The following DISP3 variants were observed in gnomAD, a reference collection of about 807,000 sequenced individuals.
The protein encoded by DISP3 is protein dispatched homolog 3.
In DISP3, 101 loss-of-function variants were observed where a neutral mutation model predicts 135.3. The ratio of observed to expected loss-of-function variants is 0.75; its 90% confidence interval spans 0.64 to 0.88. The LOEUF is 0.88. DISP3 is among the 40% of genes least tolerant of loss of function. DISP3 has a pLI of 0.00. For missense variants in DISP3, 1,713 were observed against 1,878.6 expected, an observed-to-expected ratio of 0.91 and a Z score of 1.63; for synonymous variants, 856 against 817.0, an observed-to-expected ratio of 1.05 and a Z score of -0.81.
Position 11,519,099 on chromosome 1 carries a change from G to A in DISP3, c.1890-256G>A, listed in dbSNP as rs546677469. ...CTTAGTGCCCGGGCCACTGTGTGTT[G>A]TCATCCCCTCTTCCTGGGTAATGTT... On this transcript the variant is annotated intron_variant, in intron 7 of 20. Transcript: ENST00000294484. The surrounding 1 kb of genome is among the most constrained non-coding windows in gnomAD (Gnocchi z 4.3). 2.0e-5 allele frequency among the ~76,000 whole-genome samples: 3 copies of A among 152,254 alleles called. No individual in the cohort carries two copies. The highest frequency in any genetic ancestry group is 4.2e-4 in the South Asian group (2 of 4,818).
chr1:11,530,850 G>C, intron 15 of DISP3, 57 bp from the exon 16 acceptor site: 1 of 1,605,184 alleles, frequency 6.2e-7, no homozygotes, highest in Non-Finnish European at 8.5e-7. Context: ...TGAGCACCCA[G>C]GACTGAGTCC....
At chr1:11,481,129 C>T (rs1640894614) in intron 1 of DISP3, 1 of 152,690 alleles carries the variant, frequency 6.5e-6, no homozygotes, top group South Asian at 2.1e-4. Context: ...TCATCCTTCC[C>T]CACTGTCTTC....
At chr1:11,526,265 C>T (rs1642416020) in intron 12 of DISP3, among the ~76,000 whole-genome samples, 1 of 152,190 alleles carries the variant, frequency 6.6e-6, no homozygotes, top group African/African-American at 2.4e-5. Context: ...CAGAGCCCTG[C>T]CCCGGCGCCT....
chr1:11,511,370 A>G (rs1435563197), intron 3 of DISP3, among the ~76,000 whole-genome samples: 1 of 152,234 alleles, frequency 6.6e-6, no homozygotes, highest in Non-Finnish European at 1.5e-5. Flanking sequence ...GGGTACTGGT[A>G]TTCGTTAAAT....
chr1:11,517,729 G>C (rs1470220179), intron 7 of DISP3, 127 bp downstream of exon 7: 2 of 1,260,518 alleles, frequency 1.6e-6, no homozygotes, highest in Non-Finnish European at 2.2e-6. Context: ...AGGGAACAGG[G>C]AAGGAGAAGA....
At position 11,529,533 on chromosome 1, in the gene DISP3, C is replaced by T. The variant is rs375789303; in HGVS notation, c.2799-23C>T. 1.3e-6 allele frequency: 2 copies of T among 1,539,320 alleles called. No individual in the cohort carries two copies. Among genetic ancestry groups the T allele is most frequent in the Non-Finnish European group, 1.8e-6 (2 of 1,140,484 alleles). ...CTCCTCCTAGCCTTTCCGGCCTCAG[C>T]CCAGCCTCCATTCCCTCCACAGGAA... On this transcript the variant is annotated intron_variant, in intron 13 of 20. Transcript: ENST00000294484. The surrounding 1 kb of genome is among the most constrained non-coding windows in gnomAD (Gnocchi z 4.7).
chr1:11,497,955 C>T lies in DISP3; in HGVS notation c.-3-3035C>T, dbSNP rs924346146. On this transcript the variant is annotated intron_variant, in intron 1 of 20. Transcript: ENST00000294484. The stretch of plus-strand genomic sequence containing the variant: ...CCCTCCCCAAGGGTGTTTTAGGCCA[C>T]GAGAAGCCAGCAGGGAATATGACAG... Among the ~76,000 whole-genome samples the T allele has an allele frequency of 5.3e-5, 8 of 152,114 alleles. No individual in the cohort carries two copies. In the East Asian group the frequency reaches 7.7e-4, roughly 15 times the overall value.
chr1:11,484,348 G>A (rs1640979526), intron 1 of DISP3, among the ~76,000 whole-genome samples: 1 of 152,214 alleles, frequency 6.6e-6, no homozygotes, highest in Admixed American at 6.5e-5. Flanking sequence ...GGAGAAGAAG[G>A]TGAAGGTTTG....
At position 11,483,864 on chromosome 1, in the gene DISP3, A is replaced by T. The variant is rs923423007; in HGVS notation, c.-4+4492A>T. Among the ~76,000 whole-genome samples, 1 of 152,226 alleles carries T rather than the reference A, an allele frequency of 6.6e-6. No individual in the cohort carries two copies. The highest frequency in any genetic ancestry group is 1.9e-4 in the East Asian group (1 of 5,188). The stretch of plus-strand genomic sequence containing the variant: ...TCAAGGATATGAGAAGCCTCTGCAG[A>T]TGGGGAAGTTACTTCAGAGAGGGCA... On this transcript the variant is annotated intron_variant, in intron 1 of 20. Transcript: ENST00000294484. This position sits in a 1 kb window ranked among gnomAD's most constrained non-coding sequence, Gnocchi z 5.4.
intron 1 of DISP3, among the ~76,000 whole-genome samples, chr1:11,481,046 C>G (rs1640890555): frequency 8.5e-6 from 1 of 117,604 alleles, no homozygotes; most frequent in South Asian, 3.5e-4. Context: ...GTTTCTCTCT[C>G]TCTCTCTCTC....
At chr1:11,535,773 A>G in intron 20 of DISP3, 129 bp downstream of exon 20, 1 of 1,252,322 alleles carries the variant, frequency 8.0e-7, no homozygotes, top group Non-Finnish European at 1.1e-6. Context: ...TGTGTTCTAG[A>G]AACTAAGGTT....
intron 15 of DISP3, 72 bp from the exon 16 acceptor site, chr1:11,530,834 TG>T: frequency 6.3e-7 from 1 of 1,580,686 alleles, no homozygotes; most frequent in Non-Finnish European, 8.6e-7. Context: ...GCCCCAGGGT[TG>T]GGGGTGAGCA....
intron 1 of DISP3, 84 bp from the exon 2 acceptor site, chr1:11,500,906 G>A: frequency 2.0e-6 from 3 of 1,470,210 alleles, no homozygotes; most frequent in Non-Finnish European, 2.8e-6. Context: ...GACAGGGTTG[G>A]TACCTAGGGC....
intron 3 of DISP3, among the ~76,000 whole-genome samples, chr1:11,512,588 C>T (rs143546227): frequency 1.5e-3 from 223 of 152,282 alleles, no homozygotes; most frequent in African/African-American, 5.1e-3. Flanking sequence ...TTGCACAAAG[C>T]CATTCAACAA....
intron 1 of DISP3, among the ~76,000 whole-genome samples, chr1:11,497,996 C>T (rs892934850): frequency 6.6e-6 from 1 of 152,182 alleles, no homozygotes; most frequent in East Asian, 1.9e-4. Flanking sequence ...TAAGTCCCTG[C>T]TCCCTTAAAG....
At chr1:11,512,999 C>T (rs548646974) in intron 3 of DISP3, among the ~76,000 whole-genome samples, 4 of 152,156 alleles carry the variant, frequency 2.6e-5, no homozygotes, top group African/African-American at 9.6e-5. Context: ...CGGGAAAGAC[C>T]GGCCCCCATG....
chr1:11,523,766 T>G (rs1642324081), intron 10 of DISP3, among the ~76,000 whole-genome samples, 176 bp from the exon 11 acceptor site: 1 of 152,128 alleles, frequency 6.6e-6, no homozygotes, highest in Non-Finnish European at 1.5e-5. Flanking sequence ...AAATTTGGTA[T>G]TTGATTTTTT....
At chr1:11,508,198 G>T (rs553860669) in intron 3 of DISP3, among the ~76,000 whole-genome samples, 2 of 152,250 alleles carry the variant, frequency 1.3e-5, no homozygotes, top group South Asian at 4.1e-4. Flanking sequence ...GAGGCAGGAG[G>T]ATCCTTGAGG....
chr1:11,533,814 TC>T (rs1446251700), intron 17 of DISP3: 1 of 717,834 alleles, frequency 1.4e-6, no homozygotes. Context: ...ACCTTAAGAA[TC>T]TTTTAGAGCA....
Sources: allele counts gnomAD v4.1 joint callset (sites outside exome capture counted in the v4.1 genomes callset), GRCh38; gene constraint gnomAD v4.1.1; non-coding constraint Gnocchi (gnomAD v3.1); transcripts MANE v1.5; gene names NCBI Gene and HGNC (gene_info 2026-07-23, HGNC 2026-07-21).